The following CCAR2 variants were observed in gnomAD, a reference collection of about 807,000 sequenced individuals.
CCAR2 encodes the protein cell cycle and apoptosis regulator protein 2.
A neutral mutation model predicts 108.1 loss-of-function variants in CCAR2; 21 were observed. The ratio of observed to expected loss-of-function variants is 0.19; its 90% CI spans 0.14 to 0.28. CCAR2 has a LOEUF of 0.28. Among genes scored for constraint, CCAR2 ranks in the 10% least tolerant of loss-of-function variants. The pLI is 1.00. For missense variants in CCAR2, 1,126 were observed against 1,177.0 expected, an observed-to-expected ratio of 0.96 and a Z score of 0.63; for synonymous variants, 577 against 472.8, an observed-to-expected ratio of 1.22 and a Z score of -2.86.
chr8:22,617,778 G>A lies in CCAR2; in HGVS notation c.2073G>A (p.Met691Ile). The A allele has an allele frequency of 6.2e-7, 1 of 1,613,354 alleles. No individual in the cohort carries two copies. The highest frequency in any genetic ancestry group is 1.8e-4 in the Middle Eastern group (1 of 5,504). Residue 691 changes from methionine (M) to isoleucine (I), a missense_variant and splice_region_variant, in exon 16 of 21, where the codon ATG (methionine) becomes ATA (isoleucine). This residue lies in a region of CCAR2 where 1,013 missense variants were observed against 993.9 expected (regional missense o/e 1.02). Coordinates refer to ENST00000308511, the MANE Select transcript of CCAR2 (RefSeq NM_001393997.1). ...SEMEFSSLQDMPKELDPSAVL... is the reference protein window; with the variant it reads ...SEMEFSSLQDIPKELDPSAVL... ...TGGAGTTCTCTTCACTTCAGGACAT[G>A]GTGAGGCCTCTTCTCGACCACTCTG...
intron 16 of CCAR2, 152 bp downstream of exon 16, chr8:22,617,930 T>G: frequency 1.3e-6 from 1 of 743,070 alleles, no homozygotes; most frequent in Non-Finnish European, 2.2e-6. Flanking sequence ...AAGGGCACGT[T>G]CATAGGCTCC....
Position 22,606,077 on chromosome 8 carries a change from C to G in CCAR2, c.59-8C>G. Reference sequence around the variant, plus strand: ...CGGTTCCTGGAGATTGCTTCTCTTTCCCCATAGGCACAGCTTCAACATCTC... The same window carrying G: ...CGGTTCCTGGAGATTGCTTCTCTTTGCCCATAGGCACAGCTTCAACATCTC... On this transcript the variant is annotated splice_polypyrimidine_tract_variant and splice_region_variant and intron_variant, in intron 2 of 20. Transcript: ENST00000308511. 3 of 1,611,956 alleles carry G rather than the reference C, an allele frequency of 1.9e-6. No homozygotes were observed. The highest frequency in any genetic ancestry group is 2.2e-5 in the East Asian group (1 of 44,878).
chr8:22,608,012 C>G lies in CCAR2; in HGVS notation c.531C>G (p.His177Gln). The G allele has an allele frequency of 1.9e-6, 3 of 1,614,074 alleles. No individual in the cohort carries two copies. Among genetic ancestry groups the G allele is most frequent in the Non-Finnish European group, 1.7e-6 (2 of 1,180,024 alleles). Residue 177 changes from histidine (H) to glutamine (Q), a missense_variant, in exon 7 of 21, where the codon CAC becomes CAG. Coordinates refer to ENST00000308511, the MANE Select transcript of CCAR2 (RefSeq NM_001393997.1). ...FQTSHTLHLS[H>Q]LNRFPARGPH... ...CATCCCACACACTTCACCTGAGCCA[C>G]CTGAACAGATTTCCTGCCCGGGGCC...
At chr8:22,615,291 G>A in intron 11 of CCAR2, 134 bp from the exon 12 acceptor site, 5 of 1,147,908 alleles carry the variant, frequency 4.4e-6, no homozygotes, top group Non-Finnish European at 4.9e-6. Flanking sequence ...TAGCTTTCCT[G>A]TTGTGTCTTC....
intron 7 of CCAR2, among the ~76,000 whole-genome samples, chr8:22,610,973 G>C (rs144218383): frequency 6.6e-6 from 1 of 152,152 alleles, no homozygotes; most frequent in Admixed American, 6.5e-5. Flanking sequence ...CGTAGTTATA[G>C]TGTAATACTG....
At chr8:22,613,247 C>A in intron 8 of CCAR2, 111 bp downstream of exon 8, 1 of 1,192,276 alleles carries the variant, frequency 8.4e-7, no homozygotes, top group Non-Finnish European at 1.1e-6. Flanking sequence ...CCTTTTCTTA[C>A]AAAACGAAAA....
intron 6 of CCAR2, 81 bp downstream of exon 6, chr8:22,607,406 C>G: frequency 1.3e-6 from 2 of 1,544,844 alleles, no homozygotes; most frequent in Non-Finnish European, 1.8e-6. Flanking sequence ...CTGCTCTTAG[C>G]ATAGAGGTGG....
rs747389104 is a variant in CCAR2, at chr8:22,614,520, A to C, written c.1041+17A>C. Reference sequence around the variant, plus strand: ...CAGATTAAGGTAAGAGCTGGAGAGCAGGAGGAGATGCATTCACGGGTAATG... The same window carrying C: ...CAGATTAAGGTAAGAGCTGGAGAGCCGGAGGAGATGCATTCACGGGTAATG... On this transcript the variant is annotated intron_variant, in intron 10 of 20. Coordinates refer to ENST00000308511, the MANE Select transcript of CCAR2 (RefSeq NM_001393997.1). The C allele has an allele frequency of 6.2e-7, 1 of 1,600,620 alleles. No homozygotes were observed. Among genetic ancestry groups the C allele is most frequent in the Non-Finnish European group, 8.6e-7 (1 of 1,168,416 alleles).
At chr8:22,608,131 A>AT (rs1801150523) in intron 7 of CCAR2, 66 bp downstream of exon 7, 13 of 1,332,360 alleles carry the variant, frequency 9.8e-6, no homozygotes, top group Middle Eastern at 1.9e-4. Flanking sequence ...TTTTATTATT[A>AT]TTTTTTTGTG....
In CCAR2 at chr8:22,614,012, A is replaced by G. The variant is rs1360967223; in HGVS notation, c.705-80A>G. 7.2e-6 allele frequency: 10 copies of G among 1,389,182 alleles called. No homozygotes were observed. In the East Asian group the frequency reaches 9.3e-5, roughly 13 times the overall value. The allele number at this position is 1,389,182 out of a possible 1,614,324, so 86.1% of individuals were successfully genotyped here. A position where few individuals can be genotyped will look rare whatever the true frequency, so the allele number is the denominator to read the frequency against. Reference sequence around the variant, plus strand: ...TCTCAGACTGAAAAAAAATTCGCCCATTTTTTCAAATCTTTGATGGTTTCA... The same window carrying G: ...TCTCAGACTGAAAAAAAATTCGCCCGTTTTTTCAAATCTTTGATGGTTTCA... On this transcript the variant is annotated intron_variant, in intron 8 of 20. Transcript: ENST00000308511.
chr8:22,615,655 A>G lies in CCAR2; in HGVS notation c.1378-27A>G, dbSNP rs758815988. 6.8e-6 allele frequency: 11 copies of G among 1,613,716 alleles called. No individual in the cohort carries two copies. In the South Asian group the frequency reaches 9.9e-5, roughly 14 times the overall value. The stretch of plus-strand genomic sequence containing the variant: ...TAGGTGGCCTAATCCCGGGACCCAG[A>G]GGGTCTCATTTCAGCTGTTGTCACA... On this transcript the variant is annotated intron_variant, in intron 12 of 20. Coordinates refer to ENST00000308511, the MANE Select transcript of CCAR2 (RefSeq NM_001393997.1).
chr8:22,609,042 C>T (rs1801183972), intron 7 of CCAR2, among the ~76,000 whole-genome samples: 1 of 134,872 alleles, frequency 7.4e-6, no homozygotes, highest in Non-Finnish European at 1.6e-5. Flanking sequence ...ACCCTTAACC[C>T]TTTTTTTTTC....
At chr8:22,613,465 A>G (rs1801375110) in intron 8 of CCAR2, among the ~76,000 whole-genome samples, 1 of 151,694 alleles carries the variant, frequency 6.6e-6, no homozygotes, top group East Asian at 1.9e-4. Context: ...TCTTGGAATG[A>G]ACATCCTTCT....
chr8:22,615,570 G>C lies in CCAR2; in HGVS notation c.1351G>C (p.Ala451Pro), dbSNP rs201715821. The change falls in exon 12 of 21, where the codon GCT becomes CCT. Residue 451 changes from alanine (A) to proline (P), a missense_variant. Around this residue, in one of 4 missense-constraint regions of CCAR2, gnomAD observed 1,013 missense variants for 993.9 expected, o/e 1.02. Transcript: ENST00000308511. ...ALCQQKAAEA[A>P]PPTQEAQGET... ...GTGCCAGCAGAAAGCTGCAGAGGCA[G>C]CTCCCCCAACCCAGGAGGCACAAGG... 2.5e-6 allele frequency: 4 copies of C among 1,613,962 alleles called. No individual in the cohort carries two copies. In the East Asian group the frequency reaches 6.7e-5, roughly 27 times the overall value.
At chr8:22,605,479 T>C in intron 1 of CCAR2, 2 of 379,216 alleles carry the variant, frequency 5.3e-6, no homozygotes, top group East Asian at 9.5e-5. Context: ...TTGATCTCTC[T>C]GAGCATCAGT....
In CCAR2 at chr8:22,617,185, A is replaced by AAT. The variant is rs1315830740; in HGVS notation, c.1846-234_1846-233dup. Reference sequence around the variant, plus strand: ...TAAATACTATCAATCAAATGAATGTAATTTCTTCTGGGACCAAGATCAACT... The same window carrying AAT: ...TAAATACTATCAATCAAATGAATGTAATATTTCTTCTGGGACCAAGATCAACT... On this transcript the variant is annotated intron_variant, in intron 14 of 20. Transcript: ENST00000308511. Among the ~76,000 whole-genome samples the AAT allele has an allele frequency of 5.3e-5, 8 of 152,068 alleles. No homozygotes were observed. The East Asian group carries it at 1.6e-3, about 30-fold the overall frequency.
rs148396036 is a variant in CCAR2, at chr8:22,615,500, G to T, written c.1281G>T (p.Pro427=). The stretch of plus-strand genomic sequence containing the variant: ...TTCAGACAGTGGTGGTGTACCTGCC[G>T]GATGTCTGGACCATCATGCCTACTT... ...RRLQTVVVYL[P]DVWTIMPTLE... The change falls in exon 12 of 21, where the codon CCG becomes CCT. Residue 427 remains proline (P), a synonymous_variant. Coordinates refer to ENST00000308511, the MANE Select transcript of CCAR2 (RefSeq NM_001393997.1). 7.4e-6 allele frequency: 12 copies of T among 1,613,822 alleles called. No homozygotes were observed. In the African/African-American group the frequency reaches 9.3e-5, roughly 13 times the overall value.
At chr8:22,605,667 C>T in intron 1 of CCAR2, 69 bp from the exon 2 acceptor site, 2 of 906,162 alleles carry the variant, frequency 2.2e-6, no homozygotes, top group Non-Finnish European at 3.5e-6. Context: ...ACTTAAGATT[C>T]TCCACTTTTC....
rs1425821711 is a variant in CCAR2 at position 22,619,759 on chromosome 8, A to G, written c.*77A>G. ...AGTTGGAGCCCTTGCGGTACCAGAA[A>G]GCAGCGAGAGCGAGACCTGGGAGCC... On this transcript the variant is annotated 3_prime_UTR_variant, in exon 21 of 21. Transcript: ENST00000308511. 2.7e-6 allele frequency: 4 copies of G among 1,479,724 alleles called. No homozygotes were observed. The African/African-American group carries it at 5.6e-5, about 21-fold the overall frequency. 91.7% of individuals were successfully genotyped at this position (1,479,724 alleles called of 1,614,324 possible).
Sources: gnomAD v4.1 joint callset for allele counts (sites outside exome capture counted in the v4.1 genomes callset) on GRCh38, gnomAD v4.1.1 for gene constraint, gnomAD v4.1.1 regional missense constraint, MANE v1.5 for transcripts, NCBI Gene and HGNC (gene_info 2026-07-23, HGNC 2026-07-21) for gene names.